Variants in PLD5 observed in about 807,000 individuals in gnomAD.
PLD5 encodes phospholipase D family member 5.
Under a neutral mutation model 61.1 loss-of-function variants are expected in PLD5, and 36 were observed. The ratio of observed to expected loss-of-function variants is 0.59; its 90% CI spans 0.45 to 0.78. The LOEUF is 0.78. PLD5 is among the 30% of genes least tolerant of loss of function. The probability of loss-of-function intolerance (pLI) is 0.00; values close to 1 mark genes in which losing one functional copy is unlikely to be tolerated. For missense variants in PLD5, 515 were observed against 644.4 expected (o/e 0.80, Z 2.17); for synonymous variants, 243 against 242.8 (o/e 1.00, Z -0.01).
At chr1:242,449,255 T>C in intron 1 of PLD5, 1 of 1,445,060 alleles carries the variant, frequency 6.9e-7, no homozygotes, top group Non-Finnish European at 9.4e-7. Flanking sequence ...CAAGTGACTG[T>C]TCAGTCTCAT....
At chr1:242,190,764 A>G (rs1490823945) in intron 5 of PLD5, among the ~76,000 whole-genome samples, 2 of 152,140 alleles carry the variant, frequency 1.3e-5, no homozygotes, top group African/African-American at 4.8e-5. Flanking sequence ...AAAATCCCAT[A>G]CAAGATGGCT....
At chr1:242,250,203 T>C (rs948142341) in intron 4 of PLD5, among the ~76,000 whole-genome samples, 1 of 152,232 alleles carries the variant, frequency 6.6e-6, no homozygotes, top group African/African-American at 2.4e-5. Flanking sequence ...ACCTGAAATC[T>C]GGGAAATTTG....
At chr1:242,521,779 T>G (rs1386547152) in intron 1 of PLD5, among the ~76,000 whole-genome samples, 2 of 146,098 alleles carry the variant, frequency 1.4e-5, no homozygotes, top group Non-Finnish European at 3.1e-5. Flanking sequence ...CCATATATGT[T>G]CAGAATGTTG....
chr1:242,263,672 A>C (rs1318206328), intron 4 of PLD5, among the ~76,000 whole-genome samples: 2 of 152,328 alleles, frequency 1.3e-5, no homozygotes, highest in Non-Finnish European at 2.9e-5. Flanking sequence ...AAGAAGTCTT[A>C]TTATATTTCA....
rs1052040264 is a variant in PLD5, at chr1:242,428,527, C to CA, written c.190-80286dup. Reference sequence around the variant, plus strand: ...TAACCAGACAAGTCTCCTGTCTTTGCAAAATGTCAGGTTATCTTTCAAATT... The same window carrying CA: ...TAACCAGACAAGTCTCCTGTCTTTGCAAAAATGTCAGGTTATCTTTCAAATT... On this transcript the variant is annotated intron_variant, in intron 1 of 9. Coordinates refer to ENST00000536534, the MANE Select transcript of PLD5 (RefSeq NM_001372062.1). 3.4e-3 allele frequency among the ~76,000 whole-genome samples: 524 copies of CA among 152,300 alleles called. 6 individuals carry two copies. Among genetic ancestry groups the CA allele is most frequent in the African/African-American group, 0.012 (503 of 41,552 alleles).
At chr1:242,490,674 A>G (rs1227742318) in intron 1 of PLD5, among the ~76,000 whole-genome samples, 1 of 152,122 alleles carries the variant, frequency 6.6e-6, no homozygotes, top group Non-Finnish European at 1.5e-5. Flanking sequence ...TTTGTGTAGA[A>G]CCCACATCTG....
chr1:242,186,519 TAAAAAAAG>T (rs1289310536), intron 5 of PLD5, among the ~76,000 whole-genome samples: 3 of 151,958 alleles, frequency 2.0e-5, no homozygotes, highest in Admixed American at 6.5e-5. Context: ...AAAGTTTCTT[TAAAAAAAG>T]GTATAGTCAC....
At chr1:242,428,010 A>G (rs1283316425) in intron 1 of PLD5, among the ~76,000 whole-genome samples, 6 of 152,218 alleles carry the variant, frequency 3.9e-5, no homozygotes, top group African/African-American at 4.8e-5. Context: ...TTATGAGCTT[A>G]AGAGCTAAAA....
At chr1:242,261,221 A>G (rs1673356531) in intron 4 of PLD5, among the ~76,000 whole-genome samples, 2 of 152,246 alleles carry the variant, frequency 1.3e-5, no homozygotes, top group Non-Finnish European at 2.9e-5. Flanking sequence ...AGACAGAACT[A>G]AAATACAGTC....
rs1263076044 is a variant in PLD5 at position 242,256,760 on chromosome 1, A to G, written c.607+8577T>C. On this transcript the variant is annotated intron_variant, in intron 4 of 9. Transcript: ENST00000536534. The surrounding 1 kb of genome is among the most constrained non-coding windows in gnomAD (Gnocchi z 5.7). ...AACTAAGACTATCATCTATCTATCT[A>G]TCTATCTATCTATCTATCTATCTAT... Among the ~76,000 whole-genome samples the G allele has an allele frequency of 7.8e-6, 1 of 128,212 alleles. No individual in the cohort carries two copies. The highest frequency in any genetic ancestry group is 1.7e-5 in the Non-Finnish European group (1 of 59,468). The allele number at this position is 128,212 out of a possible 152,430, so 84.1% of individuals were successfully genotyped here.
intron 5 of PLD5, among the ~76,000 whole-genome samples, chr1:242,149,670 TACACACAC>T (rs58100712): frequency 2.0e-5 from 3 of 146,688 alleles, no homozygotes; most frequent in African/African-American, 5.0e-5. Context: ...TTTATACACA[TACACACAC>T]ACACACACAC....
At chr1:242,527,379 GC>G (rs1353956605), upstream of PLD5, among the ~76,000 whole-genome samples, 3 of 151,926 alleles carry the variant, frequency 2.0e-5, no homozygotes, top group South Asian at 4.2e-4. Context: ...CAAGTGACCT[GC>G]CCGCCTCGGC....
chr1:242,456,606 T>C (rs1476550607), intron 1 of PLD5, among the ~76,000 whole-genome samples: 1 of 152,204 alleles, frequency 6.6e-6, no homozygotes, highest in Non-Finnish European at 1.5e-5. Flanking sequence ...ATATTAGGCA[T>C]TATAAAAGGT....
At chr1:242,103,813 T>C (rs964323211) in intron 8 of PLD5, among the ~76,000 whole-genome samples, 4 of 152,240 alleles carry the variant, frequency 2.6e-5, no homozygotes, top group Non-Finnish European at 4.4e-5. Context: ...TACACAGATA[T>C]GTGCATGATT....
At chr1:242,461,742 G>C (rs528604692) in intron 1 of PLD5, among the ~76,000 whole-genome samples, 1 of 152,224 alleles carries the variant, frequency 6.6e-6, no homozygotes, top group East Asian at 1.9e-4. Context: ...CCCCAGCCTT[G>C]CCAGCATCTG....
intron 2 of PLD5, among the ~76,000 whole-genome samples, chr1:242,292,398 G>A (rs1675420121): frequency 6.6e-6 from 1 of 152,124 alleles, no homozygotes; most frequent in South Asian, 2.1e-4. Flanking sequence ...AGGAGACACA[G>A]GAAGCCCAGA....
chr1:242,349,559 TG>T (rs1490341201), intron 1 of PLD5, among the ~76,000 whole-genome samples: 1 of 152,182 alleles, frequency 6.6e-6, no homozygotes, highest in African/African-American at 2.4e-5. Flanking sequence ...ACATAACTCT[TG>T]ATATGATTTT....
At chr1:242,512,186 C>T (rs919942060) in intron 1 of PLD5, among the ~76,000 whole-genome samples, 3 of 150,190 alleles carry the variant, frequency 2.0e-5, no homozygotes, top group Non-Finnish European at 3.0e-5. Context: ...CCAAGGAGGG[C>T]AGATCACGAG....
At chr1:242,492,514 C>G (rs1404891391) in intron 1 of PLD5, among the ~76,000 whole-genome samples, 1 of 137,416 alleles carries the variant, frequency 7.3e-6, no homozygotes, top group Non-Finnish European at 1.5e-5. Flanking sequence ...AAGAGCAAAA[C>G]TCCGTCTCAA....
Sources: allele counts gnomAD v4.1 joint callset (sites outside exome capture counted in the v4.1 genomes callset), GRCh38; gene constraint gnomAD v4.1.1; non-coding constraint Gnocchi (gnomAD v3.1); transcripts MANE v1.5; gene names NCBI Gene and HGNC (gene_info 2026-07-23, HGNC 2026-07-21).